SPNS2: variants seen among roughly 807,000 people sequenced by gnomAD.
SPNS2 encodes the protein SPNS lysolipid transporter 2, sphingosine-1-phosphate.
SPNS2 carries 37 observed loss-of-function variants against 57.6 expected under a neutral mutation model. That is an observed-to-expected ratio of 0.64 (90% CI 0.49 to 0.85). The LOEUF is 0.85. Ranked by LOEUF, SPNS2 falls within the 40% of genes least tolerant of loss-of-function variation. The pLI, the probability that SPNS2 is intolerant of heterozygous loss-of-function variation, is 0.00. For synonymous variants in SPNS2, 440 were observed against 346.9 expected (o/e 1.27, Z -2.98); for missense variants, 831 against 779.1 (o/e 1.07, Z -0.79).
chr17:4,533,319 C>T lies in SPNS2; in HGVS notation c.1165C>T (p.Arg389Cys), dbSNP rs368400793. Residue 389 changes from arginine to cysteine, a missense_variant, in exon 8 of 13, where the codon CGC (arginine) becomes TGC (cysteine). By Grantham distance (180) the Arg-to-Cys change is radical. Transcript: ENST00000329078. ...GGGGGCAGGAGCCACGCGCTGGTGC[C>T]GCCTGAAGACCCAGCGGGCCGACCC... ...VTGAGATRWCRLKTQRADPLV... is the reference protein window; with the variant it reads ...VTGAGATRWCCLKTQRADPLV... 1.2e-4 allele frequency: 191 copies of T among 1,611,826 alleles called. No individual in the cohort carries two copies. Among genetic ancestry groups the T allele is most frequent in the Non-Finnish European group, 1.4e-4 (165 of 1,179,518 alleles).
At chr17:4,507,831 C>T (rs56672981) in intron 1 of SPNS2, among the ~76,000 whole-genome samples, 1,658 of 152,348 alleles carry the variant, frequency 0.011, 28 homozygotes, top group African/African-American at 0.038. Context: ...CTCAGGATCA[C>T]GCTGTTGGCA....
At chr17:4,520,157 G>C (rs1015203419) in intron 2 of SPNS2, among the ~76,000 whole-genome samples, 1 of 152,234 alleles carries the variant, frequency 6.6e-6, no homozygotes, top group African/African-American at 2.4e-5. Flanking sequence ...TGTTAGATAG[G>C]GATGGACGTG....
chr17:4,506,209 G>A (rs539839826), intron 1 of SPNS2, among the ~76,000 whole-genome samples: 1 of 152,202 alleles, frequency 6.6e-6, no homozygotes, highest in Non-Finnish European at 1.5e-5. Context: ...CATCCGAGGC[G>A]GGGAGCAGCA....
At chr17:4,507,980 G>A (rs1194732425) in intron 1 of SPNS2, among the ~76,000 whole-genome samples, 6 of 152,194 alleles carry the variant, frequency 3.9e-5, no homozygotes, top group Non-Finnish European at 8.8e-5. Context: ...CAGAAGTCCT[G>A]GAATCGGGGC....
intron 2 of SPNS2, among the ~76,000 whole-genome samples, chr17:4,518,024 C>T (rs544688448): frequency 1.3e-4 from 20 of 152,324 alleles, no homozygotes; most frequent in Middle Eastern, 3.4e-3. Context: ...TGAGGGAGAA[C>T]GAAGGCTGTT....
At chr17:4,531,289 C>CGCT in intron 5 of SPNS2, among the ~76,000 whole-genome samples, 170 bp downstream of exon 5, 2 of 152,332 alleles carry the variant, frequency 1.3e-5, no homozygotes, top group South Asian at 4.1e-4. Context: ...GGTATCAGAG[C>CGCT]GCTCAGATGT....
intron 12 of SPNS2, 54 bp from the exon 13 acceptor site, chr17:4,537,399 C>G (rs1905908785): frequency 2.4e-6 from 1 of 409,250 alleles, no homozygotes; most frequent in Admixed American, 2.7e-5. Context: ...GGGAGGGCAG[C>G]CTTGGCACAG....
rs369758636 is a variant in SPNS2 at position 4,537,894 on chromosome 17, C to T, written c.*446C>T. 1.9e-4 allele frequency: 82 copies of T among 425,338 alleles called. No individual in the cohort carries two copies. Among genetic ancestry groups the T allele is most frequent in the South Asian group, 5.7e-4 (35 of 61,574 alleles). 26.3% of individuals were successfully genotyped at this position (425,338 alleles called of 1,614,324 possible). ...AAGACTCAACAGACCCTGGACCATA[C>T]GGAGAGCAGGTGGCCCAGGCCTCAG... On this transcript the variant is annotated 3_prime_UTR_variant, in exon 13 of 13. Transcript: ENST00000329078.
intron 1 of SPNS2, among the ~76,000 whole-genome samples, chr17:4,508,255 G>C (rs1904733267): frequency 6.6e-6 from 1 of 152,188 alleles, no homozygotes; most frequent in African/African-American, 2.4e-5. Flanking sequence ...CTGTGGCCAG[G>C]GCTGGGCGGC....
chr17:4,538,891 C>A lies in SPNS2; in HGVS notation c.*1443C>A. 1.3e-6 allele frequency: 1 copy of A among 781,316 alleles called. No homozygotes were observed. The highest frequency in any genetic ancestry group is 2.4e-6 in the Non-Finnish European group (1 of 418,338). The allele number at this position is 781,316 out of a possible 1,614,324, so 48.4% of individuals were successfully genotyped here. On this transcript the variant is annotated 3_prime_UTR_variant, in exon 13 of 13. Coordinates refer to ENST00000329078, the MANE Select transcript of SPNS2 (RefSeq NM_001124758.3). ...GCGATGTTTTCTTGTTGTACAAGAA[C>A]CAGGTCCGAGTGTTGCCTCCTCTTC... is the stretch of plus-strand genomic sequence containing the variant.
intron 2 of SPNS2, 117 bp downstream of exon 2, chr17:4,513,429 G>A (rs1298475471): frequency 3.9e-5 from 43 of 1,116,880 alleles, no homozygotes; most frequent in Non-Finnish European, 5.5e-5. Context: ...CCTGGAAAGA[G>A]AGTGGGCTTT....
At chr17:4,537,262 G>A (rs1439123899) in intron 12 of SPNS2, among the ~76,000 whole-genome samples, 191 bp from the exon 13 acceptor site, 2 of 152,246 alleles carry the variant, frequency 1.3e-5, no homozygotes, top group African/African-American at 2.4e-5. Context: ...CCTCCTGGAT[G>A]TACCAGGGCC....
intron 1 of SPNS2, among the ~76,000 whole-genome samples, chr17:4,500,592 A>G (rs1904458876): frequency 6.6e-6 from 1 of 152,056 alleles, no homozygotes; most frequent in Non-Finnish European, 1.5e-5. Flanking sequence ...CACACACACA[A>G]CAGAGAGAGA....
chr17:4,521,226 C>T lies in SPNS2; in HGVS notation c.437-3831C>T, dbSNP rs572628563. On this transcript the variant is annotated intron_variant, in intron 2 of 12. Transcript: ENST00000329078. ...AACTTCTCTTCTGATTCCTTCTGTC[C>T]ACTTGCCACCTAGCACAGACAGGCA... is the stretch of plus-strand genomic sequence containing the variant. Among the ~76,000 whole-genome samples, 6 of 152,266 alleles carry T rather than the reference C, an allele frequency of 3.9e-5. No homozygotes were observed. The East Asian group carries it at 9.7e-4, about 24-fold the overall frequency.
chr17:4,526,826 C>G (rs1212796288), intron 3 of SPNS2, among the ~76,000 whole-genome samples: 1 of 152,112 alleles, frequency 6.6e-6, no homozygotes, highest in African/African-American at 2.4e-5. Context: ...GCAGGTTTGC[C>G]AAGGACATCC....
chr17:4,533,385 A>G lies in SPNS2; in HGVS notation c.1231A>G (p.Ile411Val). 6.2e-7 allele frequency: 1 copy of G among 1,609,752 alleles called. No homozygotes were observed. Among genetic ancestry groups the G allele is most frequent in the Non-Finnish European group, 8.5e-7 (1 of 1,178,518 alleles). Residue 411 changes from isoleucine (I) to valine (V), a missense_variant, in exon 8 of 13, where the codon ATC becomes GTC. By Grantham distance (29) the Ile-to-Val change is conservative. Coordinates refer to ENST00000329078, the MANE Select transcript of SPNS2 (RefSeq NM_001124758.3). Reference protein sequence around the residue: ...AVGMLGSAIFICLIFVAAKSS... With the variant: ...AVGMLGSAIFVCLIFVAAKSS... Reference sequence around the variant, plus strand: ...GGGCATGCTGGGCTCTGCCATCTTCATCTGCCTGATCTTCGTGGCTGCCAA... The same window carrying G: ...GGGCATGCTGGGCTCTGCCATCTTCGTCTGCCTGATCTTCGTGGCTGCCAA...
At chr17:4,535,034 G>A (rs557159081) in intron 9 of SPNS2, among the ~76,000 whole-genome samples, 14 of 152,274 alleles carry the variant, frequency 9.2e-5, no homozygotes, top group East Asian at 5.8e-4. Flanking sequence ...CTCCCGCAAC[G>A]GGGTGCCCCG....
chr17:4,513,540 CTA>C (rs1347113987), intron 2 of SPNS2, among the ~76,000 whole-genome samples: 1 of 152,234 alleles, frequency 6.6e-6, no homozygotes, highest in Non-Finnish European at 1.5e-5. Context: ...CCCTGAGGGG[CTA>C]TGGCAGGTAA....
chr17:4,536,694 T>C (rs967325461), intron 11 of SPNS2: 1 of 633,184 alleles, frequency 1.6e-6, no homozygotes, highest in Non-Finnish European at 2.8e-6. Flanking sequence ...CCCTTCCTCT[T>C]ACTTTCTGAC....
Sources: gnomAD v4.1 joint callset for allele counts (sites outside exome capture counted in the v4.1 genomes callset) on GRCh38, gnomAD v4.1.1 for gene constraint, MANE v1.5 for transcripts, NCBI Gene and HGNC (gene_info 2026-07-23, HGNC 2026-07-21) for gene names.